The following MGST1 variants were observed in gnomAD, a reference collection of about 807,000 sequenced individuals.
The protein encoded by MGST1 is microsomal glutathione S-transferase 1.
Under a neutral mutation model 8.9 loss-of-function variants are expected in MGST1, and 5 were observed. That is an observed-to-expected ratio of 0.56 (90% CI 0.29 to 1.19). The LOEUF is 1.19. Among genes scored for constraint, MGST1 ranks in the 50% most tolerant of loss-of-function variants. The pLI is 0.08. For synonymous variants in MGST1, 54 were observed against 67.8 expected (o/e 0.80, Z 1.00); for missense variants, 182 against 187.4 (o/e 0.97, Z 0.17).
intron 4 of MGST1, among the ~76,000 whole-genome samples, chr12:16,566,195 C>T (rs1478736163): frequency 6.7e-6 from 1 of 150,136 alleles, no homozygotes; most frequent in African/African-American, 2.5e-5. Context: ...AATAAAAAGT[C>T]GACATCATAG....
chr12:16,575,446 A>G (rs887499100), intron 4 of MGST1, among the ~76,000 whole-genome samples: 1 of 152,212 alleles, frequency 6.6e-6, no homozygotes, highest in African/African-American at 2.4e-5. Context: ...ATCAATATCA[A>G]TACGAAATTT....
Position 16,578,478 on chromosome 12 carries a change from T to C in MGST1, n.483-11050T>C, listed in dbSNP as rs1279748587. On this transcript the variant is annotated intron_variant and non_coding_transcript_variant, in intron 4 of 4. Coordinates refer to the MGST1 transcript ENST00000538857. ...GAGTAGATGGTCTCAGGCTGGCCCA[T>C]GCTCAGGTCTGACCTTAGGTATAAA... Among the ~76,000 whole-genome samples, 6 of 152,150 alleles carry C rather than the reference T, an allele frequency of 3.9e-5. 1 individual carries two copies. Among genetic ancestry groups the C allele is most frequent in the Admixed American group, 3.9e-4 (6 of 15,264 alleles).
At chr12:16,391,234 C>T (rs530260996) in intron 1 of MGST1, among the ~76,000 whole-genome samples, 2 of 150,904 alleles carry the variant, frequency 1.3e-5, no homozygotes, top group Non-Finnish European at 2.9e-5. Context: ...CGGTGGTTTG[C>T]TGCAGCTATC....
At position 16,450,470 on chromosome 12, in the gene MGST1, C is replaced by T. The variant is rs575038787; in HGVS notation, n.482+66866C>T. 5.3e-5 allele frequency among the ~76,000 whole-genome samples: 8 copies of T among 152,010 alleles called. No homozygotes were observed. In the South Asian group the frequency reaches 1.7e-3, roughly 32 times the overall value. ...CTGAAACAAAGGAAGAGTCCTAGGG[C>T]TAGAAATCACTCAAGAGCAGAGCCT... is the stretch of plus-strand genomic sequence containing the variant. On this transcript the variant is annotated intron_variant and non_coding_transcript_variant, in intron 4 of 4. Transcript: ENST00000538857.
chr12:16,520,331 G>A (rs1330438750), intron 4 of MGST1, among the ~76,000 whole-genome samples: 2 of 152,142 alleles, frequency 1.3e-5, no homozygotes, highest in Non-Finnish European at 2.9e-5. Context: ...AAAACACTAA[G>A]AGACAGACTA....
At chr12:16,392,870 A>G (rs1306788472) in intron 1 of MGST1, among the ~76,000 whole-genome samples, 1 of 152,162 alleles carries the variant, frequency 6.6e-6, no homozygotes, top group Non-Finnish European at 1.5e-5. Flanking sequence ...TATATCTATT[A>G]TATAATTACT....
chr12:16,578,522 TA>T (rs1218017654), intron 4 of MGST1, among the ~76,000 whole-genome samples: 1 of 151,954 alleles, frequency 6.6e-6, no homozygotes, highest in African/African-American at 2.4e-5. Context: ...AGTATTAAAA[TA>T]AAAATCACAT....
intron 1 of MGST1, among the ~76,000 whole-genome samples, chr12:16,396,747 C>T (rs921439942): frequency 6.6e-6 from 1 of 151,978 alleles, no homozygotes; most frequent in African/African-American, 2.4e-5. Flanking sequence ...AAAGACCTCT[C>T]CAAGGAAAAC....
rs1175962166 is a variant in MGST1, at chr12:16,482,713, A to G, written n.482+99109A>G. Reference sequence around the variant, plus strand: ...ACAACAAGTTGATTGTTCTAGAGACAGGTATGTTCTGGAGAAGGGAAAAGA... The same window carrying G: ...ACAACAAGTTGATTGTTCTAGAGACGGGTATGTTCTGGAGAAGGGAAAAGA... On this transcript the variant is annotated intron_variant and non_coding_transcript_variant, in intron 4 of 4. Transcript: ENST00000538857. The surrounding 1 kb of genome is among the most constrained non-coding windows in gnomAD (Gnocchi z 4.2). 1.3e-5 allele frequency among the ~76,000 whole-genome samples: 2 copies of G among 152,186 alleles called. No homozygotes were observed. The highest frequency in any genetic ancestry group is 2.9e-5 in the Non-Finnish European group (2 of 68,028).
At chr12:16,375,985 ATACACACACAACACCCACACACCTATATG>A in intron 3 of MGST1, 1 of 469,296 alleles carries the variant, frequency 2.1e-6, no homozygotes, top group Non-Finnish European at 3.4e-6. Context: ...CATAAGATAT[ATACACACACAACACCCACACACCTATATG>A]TACACACACA....
rs1406366120 is a variant in MGST1 at position 16,458,809 on chromosome 12, A to G, written n.482+75205A>G. 1.3e-5 allele frequency among the ~76,000 whole-genome samples: 2 copies of G among 152,000 alleles called. No homozygotes were observed. The highest frequency in any genetic ancestry group is 2.9e-5 in the Non-Finnish European group (2 of 67,952). ...GAATTTTTATTCTTCTTTATTAGAT[A>G]CAAGGTTTCCCTCCATCAAGGTTAA... On this transcript the variant is annotated intron_variant and non_coding_transcript_variant, in intron 4 of 4. Transcript: ENST00000538857. This position sits in a 1 kb window ranked among gnomAD's most constrained non-coding sequence, Gnocchi z 4.0.
rs1940536430 is a variant in MGST1, at chr12:16,390,036, G to T, written n.778+6432G>T. ...CTCATTTTGATATGTTCACATTTAT[G>T]TGGCAAGCGCTCCAAAAGGGAGGCC... is the stretch of plus-strand genomic sequence containing the variant. On this transcript the variant is annotated intron_variant and non_coding_transcript_variant, in intron 1 of 1. Coordinates refer to the MGST1 transcript ENST00000359720. Among the ~76,000 whole-genome samples, 4 of 152,164 alleles carry T rather than the reference G, an allele frequency of 2.6e-5. No individual in the cohort carries two copies. In the South Asian group the frequency reaches 8.3e-4, roughly 31 times the overall value.
rs3214385 is a variant in MGST1 at position 16,560,553 on chromosome 12, ATT to A, written n.483-28963_483-28962del. Reference sequence around the variant, plus strand: ...CACCAAAGAGCCTAGAATAAGAAACATTTTTTTTTTTTTACAAACTCTTACAG... The same window carrying A: ...CACCAAAGAGCCTAGAATAAGAAACATTTTTTTTTTTACAAACTCTTACAG... On this transcript the variant is annotated intron_variant and non_coding_transcript_variant, in intron 4 of 4. Coordinates refer to the MGST1 transcript ENST00000538857. The surrounding 1 kb of genome is among the most constrained non-coding windows in gnomAD (Gnocchi z 5.0). 988 of 1,410,370 alleles carry A rather than the reference ATT, an allele frequency of 7.0e-4. No homozygotes were observed. The African/African-American group carries it at 8.1e-3, about 12-fold the overall frequency. 87.4% of individuals were successfully genotyped at this position (1,410,370 alleles called of 1,614,324 possible).
At chr12:16,422,003 G>T (rs530988465) in intron 1 of MGST1, among the ~76,000 whole-genome samples, 1 of 152,072 alleles carries the variant, frequency 6.6e-6, no homozygotes, top group East Asian at 1.9e-4. Context: ...CAGCAGTGTC[G>T]CTGGTTAGAT....
chr12:16,566,953 A>G (rs1591787463), intron 4 of MGST1, among the ~76,000 whole-genome samples: 2 of 152,182 alleles, frequency 1.3e-5, no homozygotes, highest in African/African-American at 4.8e-5. Context: ...ATATATATAT[A>G]TGTTAAAAAC....
chr12:16,444,963 A>C (rs977330133), intron 4 of MGST1, among the ~76,000 whole-genome samples: 1 of 151,838 alleles, frequency 6.6e-6, no homozygotes, highest in Non-Finnish European at 1.5e-5. Flanking sequence ...GGCTTTCCCA[A>C]GTGACTTGAA....
rs1941877073 is a variant in MGST1 at position 16,548,647 on chromosome 12, G to A, written n.483-40881G>A. The A allele has an allele frequency of 6.6e-6, 1 of 152,034 alleles. No individual in the cohort carries two copies. The allele number at this position is 152,034 out of a possible 1,614,324, so 9.4% of individuals were successfully genotyped here. On this transcript the variant is annotated intron_variant and non_coding_transcript_variant, in intron 4 of 4. Coordinates refer to the MGST1 transcript ENST00000538857. The surrounding 1 kb of genome is among the most constrained non-coding windows in gnomAD (Gnocchi z 4.2). ...CAGACAACAAGCTAAATGACGTTAG[G>A]GCTACACAACACAAAGGGGAAAGTT...
intron 1 of MGST1, among the ~76,000 whole-genome samples, chr12:16,392,699 G>A (rs906893099): frequency 2.6e-5 from 4 of 151,834 alleles, no homozygotes; most frequent in East Asian, 3.9e-4. Context: ...TTTGGAATAC[G>A]GCCAAGTTAT....
intron 4 of MGST1, among the ~76,000 whole-genome samples, chr12:16,523,549 T>C (rs1337628789): frequency 9.2e-5 from 14 of 152,024 alleles, no homozygotes; most frequent in Admixed American, 1.3e-4. Flanking sequence ...TTTACCTTCA[T>C]TCTGGTGATG....
Sources: allele counts gnomAD v4.1 joint callset (sites outside exome capture counted in the v4.1 genomes callset), GRCh38; gene constraint gnomAD v4.1.1; non-coding constraint Gnocchi (gnomAD v3.1); transcripts MANE v1.5; gene names NCBI Gene and HGNC (gene_info 2026-07-23, HGNC 2026-07-21).